The following ZNF236 variants were observed in gnomAD, a reference collection of about 807,000 sequenced individuals.
ZNF236 encodes the protein zinc finger protein 236.
ZNF236 carries 50 observed loss-of-function variants against 191.2 expected under a neutral mutation model. The ratio of observed to expected loss-of-function variants is 0.26; its 90% CI spans 0.21 to 0.33. The LOEUF is 0.33. Ranked by LOEUF, ZNF236 falls within the 10% of genes least tolerant of loss-of-function variation. ZNF236 has a pLI of 1.00. For missense variants in ZNF236, 1,754 were observed against 2,374.5 expected (o/e 0.74, Z 5.43); for synonymous variants, 907 against 928.8 (o/e 0.98, Z 0.43).
chr18:76,909,770 A>G lies in ZNF236; in HGVS notation c.2552-298A>G, dbSNP rs116319328. Among the ~76,000 whole-genome samples the G allele has an allele frequency of 9.6e-3, 1,470 of 152,340 alleles. 22 individuals carry two copies. The highest frequency in any genetic ancestry group is 0.033 in the African/African-American group (1,383 of 41,564). ...TACACTTACCCCTATGGTGCCTGCA[A>G]CCATGCACACGCAGAAAGGTTTTAA... is the stretch of plus-strand genomic sequence containing the variant. On this transcript the variant is annotated intron_variant, in intron 14 of 30. Transcript: ENST00000320610.
intron 21 of ZNF236, among the ~76,000 whole-genome samples, chr18:76,923,915 A>C (rs954874379): frequency 1.9e-4 from 29 of 152,230 alleles, no homozygotes; most frequent in African/African-American, 7.0e-4. Context: ...GGCCTGTGGT[A>C]AACGCACAGT....
At chr18:76,941,074 G>A (rs545763158) in intron 26 of ZNF236, among the ~76,000 whole-genome samples, 2 of 152,246 alleles carry the variant, frequency 1.3e-5, no homozygotes, top group South Asian at 4.2e-4. Flanking sequence ...CCTCAAATCC[G>A]TGGAAAAATT....
intron 5 of ZNF236, among the ~76,000 whole-genome samples, chr18:76,873,423 C>G (rs1568206303): frequency 1.3e-5 from 2 of 152,206 alleles, no homozygotes; most frequent in African/African-American, 2.4e-5. Flanking sequence ...GCATGTGTCA[C>G]TTGCTCCAAT....
rs71172383 is a variant in ZNF236, at chr18:76,843,803, A to AAAAAAAAAAAAAAAG, written c.56-5721_56-5720insAAAAAAAAAAAAGAA. On this transcript the variant is annotated intron_variant, in intron 1 of 30. Coordinates refer to ENST00000320610, the MANE Select transcript of ZNF236 (RefSeq NM_001306089.2). ...AAAAAAAAAAAAAAAAAAAAAAAAAAAAGTAAAGAAGAGACCGGGCGCAGT... is the reference window on the plus strand; with the variant it reads ...AAAAAAAAAAAAAAAAAAAAAAAAAAAAAAAAAAAAAAAAGAAGTAAAGAAGAGACCGGGCGCAGT... 5.7e-3 allele frequency among the ~76,000 whole-genome samples: 356 copies of AAAAAAAAAAAAAAAG among 62,080 alleles called. 134 individuals carry two copies. Among genetic ancestry groups the AAAAAAAAAAAAAAAG allele is most frequent in the Admixed American group, 9.0e-3 (34 of 3,776 alleles). The allele number at this position is 62,080 out of a possible 152,430, so 40.7% of individuals were successfully genotyped here.
intron 1 of ZNF236, among the ~76,000 whole-genome samples, chr18:76,844,010 T>C (rs979461467): frequency 5.3e-5 from 8 of 151,574 alleles, no homozygotes; most frequent in African/African-American, 1.9e-4. Flanking sequence ...CCCAGCACTT[T>C]GGGAGGCTGA....
intron 21 of ZNF236, among the ~76,000 whole-genome samples, chr18:76,924,782 A>G (rs1202287101): frequency 1.3e-5 from 2 of 152,224 alleles, no homozygotes; most frequent in Non-Finnish European, 2.9e-5. Context: ...TTGGCAGAAG[A>G]GAAGATAGAG....
Position 76,947,557 on chromosome 18 carries a change from C to G in ZNF236, c.4819C>G (p.Leu1607Val), listed in dbSNP as rs1968292837. ...QFPALLTDPS[L>V]SGQGGAGSPQ... ...CCCAGCGCTCCTCACGGATCCCTCT[C>G]TCTCGGGCCAGGGTGGAGCAGGCTC... Residue 1607 changes from leucine to valine, a missense_variant, in exon 27 of 31, where the codon CTC becomes GTC. Leu to Val is a conservative substitution (Grantham distance 32). Transcript: ENST00000320610. 1.9e-6 allele frequency: 3 copies of G among 1,613,964 alleles called. No homozygotes were observed. The highest frequency in any genetic ancestry group is 2.5e-6 in the Non-Finnish European group (3 of 1,179,998).
intron 17 of ZNF236, 149 bp downstream of exon 17, chr18:76,912,496 C>T (rs768113004): frequency 1.9e-5 from 11 of 564,812 alleles, no homozygotes; most frequent in South Asian, 2.7e-5. Flanking sequence ...TGTAAATAAA[C>T]GATCTGAGAC....
chr18:76,933,850 A>C (rs1967924531), intron 25 of ZNF236, among the ~76,000 whole-genome samples: 1 of 152,170 alleles, frequency 6.6e-6, no homozygotes, highest in Admixed American at 6.5e-5. Context: ...ATAATTATGT[A>C]GTGGATCTCA....
intron 1 of ZNF236, among the ~76,000 whole-genome samples, chr18:76,830,583 A>T (rs1485971964): frequency 6.6e-6 from 1 of 152,104 alleles, no homozygotes; most frequent in Non-Finnish European, 1.5e-5. Flanking sequence ...CATTGGAAGA[A>T]CTGTCTTGGG....
intron 9 of ZNF236, chr18:76,885,621 T>A: frequency 5.4e-6 from 1 of 183,896 alleles, no homozygotes; most frequent in Admixed American, 5.0e-5. Flanking sequence ...AGAGCAATTC[T>A]TCAACAACTG....
intron 3 of ZNF236, among the ~76,000 whole-genome samples, chr18:76,860,966 G>A (rs894180236): frequency 3.3e-5 from 5 of 152,146 alleles, no homozygotes; most frequent in Non-Finnish European, 7.3e-5. Flanking sequence ...TGAGGGAGCT[G>A]TGAGGATGCT....
At position 76,937,351 on chromosome 18, in the gene ZNF236, C is replaced by T. The variant is rs1427128430; in HGVS notation, c.4782+8C>T. 1 of 1,599,714 alleles carries T rather than the reference C, an allele frequency of 6.3e-7. No homozygotes were observed. Among genetic ancestry groups the T allele is most frequent in the African/African-American group, 1.3e-5 (1 of 74,852 alleles). Reference sequence around the variant, plus strand: ...CTCAACATCACCTCTCAGGCAAGTGCTCCTCAGAGAGGGATGCGAAGGTCC... The same window carrying T: ...CTCAACATCACCTCTCAGGCAAGTGTTCCTCAGAGAGGGATGCGAAGGTCC... On this transcript the variant is annotated splice_region_variant and intron_variant, in intron 26 of 30. Coordinates refer to ENST00000320610, the MANE Select transcript of ZNF236 (RefSeq NM_001306089.2).
intron 26 of ZNF236, among the ~76,000 whole-genome samples, chr18:76,940,862 C>T (rs117443554): frequency 2.4e-3 from 363 of 152,270 alleles, no homozygotes; most frequent in Non-Finnish European, 3.4e-3. Flanking sequence ...CAGGGGTGAG[C>T]GTGGGCCAGA....
At chr18:76,874,919 G>A (rs912988065) in intron 5 of ZNF236, among the ~76,000 whole-genome samples, 9 of 152,196 alleles carry the variant, frequency 5.9e-5, no homozygotes, top group Non-Finnish European at 1.2e-4. Context: ...GAAGAACTTC[G>A]ATTTTACTCT....
chr18:76,912,343 T>C lies in ZNF236; in HGVS notation c.2905T>C (p.Tyr969His). 6.2e-7 allele frequency: 1 copy of C among 1,613,286 alleles called. No homozygotes were observed. The highest frequency in any genetic ancestry group is 8.5e-7 in the Non-Finnish European group (1 of 1,179,418). ...EDNEDQSRRS[Y>H]RCDYCNKGFK... ...CAACGAGGACCAGAGCAGGCGCTCT[T>C]ACAGGTAGTTGTCTGCACAGACCAG... Residue 969 changes from tyrosine (Y) to histidine (H), a missense_variant, in exon 17 of 31, where the codon TAC (tyrosine) becomes CAC (histidine). Physicochemically the swap from Tyr to His is moderately conservative, Grantham distance 83. Transcript: ENST00000320610.
At chr18:76,937,053 A>G (rs2122878559) in intron 25 of ZNF236, 103 bp from the exon 26 acceptor site, 5 of 1,069,078 alleles carry the variant, frequency 4.7e-6, no homozygotes, top group Non-Finnish European at 6.9e-6. Flanking sequence ...GACCTCGGGC[A>G]TGAATGCTGC....
Position 76,895,241 on chromosome 18 carries a change from T to G in ZNF236, c.1646T>G (p.Phe549Cys). 1 of 1,600,022 alleles carries G rather than the reference T, an allele frequency of 6.2e-7. No homozygotes were observed. Among genetic ancestry groups the G allele is most frequent in the Non-Finnish European group, 8.5e-7 (1 of 1,179,900 alleles). ...AFKCQYCMKS[F>C]STSGSLKVHI... ...AAGTGCCAGTACTGCATGAAGAGCT[T>G]CTCCACCTCTGGCAGCCTCAAGGTG... The change falls in exon 10 of 31, where the codon TTC becomes TGC. Residue 549 changes from phenylalanine to cysteine, a missense_variant. Coordinates refer to ENST00000320610, the MANE Select transcript of ZNF236 (RefSeq NM_001306089.2).
intron 4 of ZNF236, 64 bp downstream of exon 4, chr18:76,868,927 G>A: frequency 6.8e-7 from 1 of 1,460,576 alleles, no homozygotes; most frequent in South Asian, 1.4e-5. Flanking sequence ...GGCGCACTTT[G>A]GTACGACCCA....
Sources: allele counts gnomAD v4.1 joint callset (sites outside exome capture counted in the v4.1 genomes callset), GRCh38; gene constraint gnomAD v4.1.1; transcripts MANE v1.5; gene names NCBI Gene and HGNC (gene_info 2026-07-23, HGNC 2026-07-21).